GLYATL1: variants seen among roughly 807,000 people sequenced by gnomAD.
GLYATL1 encodes glycine-N-acyltransferase like 1.
Under a neutral mutation model 20.0 loss-of-function variants are expected in GLYATL1, and 15 were observed. That is an observed-to-expected ratio of 0.75 (90% CI 0.50 to 1.15). The LOEUF is 1.15. GLYATL1 is among the 50% of genes most tolerant of loss of function. The pLI is 0.00. For synonymous variants in GLYATL1, 151 were observed against 131.5 expected (o/e 1.15, Z -1.01); for missense variants, 380 against 368.5 (o/e 1.03, Z -0.26).
chr11:58,921,234 C>T (rs1252856642), intron 1 of GLYATL1, among the ~76,000 whole-genome samples: 2 of 152,128 alleles, frequency 1.3e-5, no homozygotes, highest in Non-Finnish European at 2.9e-5. Flanking sequence ...GAGTGGGAAG[C>T]GCACAAACAG....
intron 1 of GLYATL1, among the ~76,000 whole-genome samples, chr11:58,906,393 A>C (rs1854886127): frequency 6.6e-6 from 1 of 152,126 alleles, no homozygotes; most frequent in African/African-American, 2.4e-5. Flanking sequence ...ATAGAATGAG[A>C]CCAGGTTCGG....
At chr11:58,942,595 C>CT (rs1288116311) in intron 1 of GLYATL1, 1 of 151,976 alleles carries the variant, frequency 6.6e-6, no homozygotes, top group Non-Finnish European at 1.5e-5. Context: ...GTGAAGTAGG[C>CT]TGGGTGGAGA....
intron 1 of GLYATL1, among the ~76,000 whole-genome samples, chr11:58,921,511 C>T (rs1259987515): frequency 6.6e-6 from 1 of 152,160 alleles, no homozygotes; most frequent in Non-Finnish European, 1.5e-5. Flanking sequence ...GTGGTTTTTT[C>T]ATACCGTGGC....
intron 2 of GLYATL1, 173 bp from the exon 3 acceptor site, chr11:58,946,873 T>C (rs1565130939): frequency 6.2e-6 from 4 of 640,082 alleles, no homozygotes; most frequent in Non-Finnish European, 1.1e-5. Context: ...CTCTGGCATT[T>C]ATCTCTAAGA....
chr11:58,915,766 C>A (rs1352033597), intron 1 of GLYATL1, among the ~76,000 whole-genome samples: 1 of 152,160 alleles, frequency 6.6e-6, no homozygotes, highest in Non-Finnish European at 1.5e-5. Context: ...AGGCCATGAG[C>A]AAAGCCCTGC....
upstream of GLYATL1, among the ~76,000 whole-genome samples, chr11:58,925,561 TC>T (rs1343099798): frequency 6.6e-6 from 1 of 152,230 alleles, no homozygotes; most frequent in Non-Finnish European, 1.5e-5. Context: ...TCTTCTAGTT[TC>T]TTTTTAAATC....
Position 58,948,760 on chromosome 11 carries a change from A to C in GLYATL1, c.186+795A>C, listed in dbSNP as rs191216884. 7.9e-5 allele frequency among the ~76,000 whole-genome samples: 12 copies of C among 152,362 alleles called. No individual in the cohort carries two copies. The East Asian group carries it at 1.7e-3, about 22-fold the overall frequency. ...CGTTAGTGAATGTTATCATCAGAAC[A>C]ATCTTATGAAGTGAGCATTAATATC... On this transcript the variant is annotated intron_variant, in intron 4 of 6. Transcript: ENST00000532726.
At chr11:58,922,171 G>T (rs1216092235) in intron 1 of GLYATL1, among the ~76,000 whole-genome samples, 1 of 152,178 alleles carries the variant, frequency 6.6e-6, no homozygotes, top group Non-Finnish European at 1.5e-5. Context: ...GTGCCTGCAG[G>T]TGCATTGGCT....
chr11:58,918,204 C>A (rs953501457), intron 1 of GLYATL1, among the ~76,000 whole-genome samples: 1 of 152,220 alleles, frequency 6.6e-6, no homozygotes, highest in Admixed American at 6.5e-5. Flanking sequence ...GAGTCTTAAG[C>A]AACCTCCTAA....
exon 2 of GLYATL1, chr11:58,907,310 G>A (rs528580647): frequency 2.2e-6 from 1 of 456,242 alleles, no homozygotes; most frequent in Non-Finnish European, 4.4e-6. Flanking sequence ...TCTGAAATCT[G>A]GACTTCCAAT....
Position 58,943,213 on chromosome 11 carries a change from A to G in GLYATL1, c.-166-330A>G, listed in dbSNP as rs951993962. The G allele has an allele frequency of 4.2e-6, 6 of 1,420,214 alleles. No individual in the cohort carries two copies. The African/African-American group carries it at 5.8e-5, about 14-fold the overall frequency. The allele number at this position is 1,420,214 out of a possible 1,614,324, so 88.0% of individuals were successfully genotyped here. On this transcript the variant is annotated intron_variant, in intron 1 of 6. Transcript: ENST00000532726. ...GCTTAATCATCAGACAAAATTGAAA[A>G]CCTAATTTAGTAGTGTGCACCTGTA...
At chr11:58,951,547 ACTATTCGAGTT>A (rs1470306730) in intron 4 of GLYATL1, among the ~76,000 whole-genome samples, 2 of 152,118 alleles carry the variant, frequency 1.3e-5, no homozygotes, top group East Asian at 3.8e-4. Flanking sequence ...ATCCCAAATA[ACTATTCGAGTT>A]GTGATTGGTA....
intron 1 of GLYATL1, 124 bp from the exon 2 acceptor site, chr11:58,943,419 C>T (rs774510756): frequency 2.0e-6 from 3 of 1,526,394 alleles, no homozygotes; most frequent in Non-Finnish European, 2.6e-6. Flanking sequence ...TCATTTTGAC[C>T]ACGAGGCACC....
rs771409295 is a variant in GLYATL1, at chr11:58,955,707, T to G, written c.589T>G (p.Tyr197Asp). The G allele has an allele frequency of 6.2e-7, 1 of 1,614,142 alleles. No individual in the cohort carries two copies. The highest frequency in any genetic ancestry group is 1.1e-5 in the South Asian group (1 of 91,074). Reference sequence around the variant, plus strand: ...AGGGAAGAATGAGAGGAGCCTGCATTACATCAAGCGCTGCATAGAAGACCT... The same window carrying G: ...AGGGAAGAATGAGAGGAGCCTGCATGACATCAAGCGCTGCATAGAAGACCT... ...KRGKNERSLH[Y>D]IKRCIEDLPA... is the part of the protein sequence containing the mutation. Residue 197 changes from tyrosine to aspartate, a missense_variant, in exon 7 of 7, where the codon TAC becomes GAC. Physicochemically the swap from Tyr to Asp is radical, Grantham distance 160. Coordinates refer to ENST00000532726, the MANE Select transcript of GLYATL1 (RefSeq NM_001389712.2).
downstream of GLYATL1, among the ~76,000 whole-genome samples, chr11:58,913,164 C>T (rs140245327): frequency 2.9e-3 from 444 of 152,098 alleles, 3 homozygotes; most frequent in African/African-American, 9.9e-3. Context: ...ACACTCCACT[C>T]TCATAGGCCT....
At chr11:58,920,631 C>A (rs1855287379) in intron 1 of GLYATL1, among the ~76,000 whole-genome samples, 1 of 152,164 alleles carries the variant, frequency 6.6e-6, no homozygotes, top group Admixed American at 6.5e-5. Context: ...GGCTTCCTGG[C>A]ACTGACAAGA....
In GLYATL1 at chr11:58,955,959, G is replaced by T. The variant is rs137962604; in HGVS notation, c.841G>T (p.Gly281Cys). ...CTCCCGCAGATTTGTGGGGCAGTTTGGTTTCTTTGAGGCCTCCTGTGAGTG... is the reference window on the plus strand; with the variant it reads ...CTCCCGCAGATTTGTGGGGCAGTTTTGTTTCTTTGAGGCCTCCTGTGAGTG... ...EDSRRFVGQF[G>C]FFEASCEWHQ... Residue 281 changes from glycine (G) to cysteine (C), a missense_variant, in exon 7 of 7, where the codon GGT becomes TGT. By Grantham distance (159) the Gly-to-Cys change is radical (BLOSUM62 -3). Coordinates refer to ENST00000532726, the MANE Select transcript of GLYATL1 (RefSeq NM_001389712.2). The T allele has an allele frequency of 3.1e-6, 5 of 1,614,142 alleles. No homozygotes were observed. The highest frequency in any genetic ancestry group is 2.2e-5 in the East Asian group (1 of 44,888).
chr11:58,954,473 G>A (rs1857236200), intron 4 of GLYATL1, among the ~76,000 whole-genome samples: 1 of 152,116 alleles, frequency 6.6e-6, no homozygotes, highest in South Asian at 2.1e-4. Context: ...AGAAAGGTGA[G>A]GCATCTTAAG....
chr11:58,911,914 C>G (rs192052628), downstream of GLYATL1, among the ~76,000 whole-genome samples: 319 of 152,260 alleles, frequency 2.1e-3, 2 homozygotes, highest in South Asian at 0.011. Context: ...TCACAAAAAT[C>G]ATTTCTAAGT....
Sources: allele counts gnomAD v4.1 joint callset (sites outside exome capture counted in the v4.1 genomes callset), GRCh38; gene constraint gnomAD v4.1.1; transcripts MANE v1.5; gene names NCBI Gene and HGNC (gene_info 2026-07-23, HGNC 2026-07-21).